DPYSL2: variants seen among roughly 807,000 people sequenced by gnomAD.
The protein encoded by DPYSL2 is dihydropyrimidinase like 2.
A neutral mutation model predicts 69.9 loss-of-function variants in DPYSL2; 13 were observed. The observed-to-expected ratio is 0.19, with a 90% confidence interval of 0.12 to 0.30. The LOEUF (loss-of-function observed/expected upper bound fraction) is 0.30, where lower values mean the gene tolerates loss of function less well. Among genes scored for constraint, DPYSL2 ranks in the 10% least tolerant of loss-of-function variants. The probability of loss-of-function intolerance (pLI) is 1.00; values close to 1 mark genes in which losing one functional copy is unlikely to be tolerated. For synonymous variants in DPYSL2, 326 were observed against 359.1 expected (o/e 0.91, Z 1.04); for missense variants, 587 against 918.9 (o/e 0.64, Z 4.67).
chr8:26,572,673 T>C (rs1391440559), intron 1 of DPYSL2, among the ~76,000 whole-genome samples: 1 of 152,140 alleles, frequency 6.6e-6, no homozygotes, highest in Non-Finnish European at 1.5e-5. Context: ...CTAGTTTTTG[T>C]ATTTTTAGTA....
chr8:26,627,065 C>T lies in DPYSL2; in HGVS notation c.856-150C>T. 1.5e-6 allele frequency: 1 copy of T among 682,236 alleles called. No individual in the cohort carries two copies. Among genetic ancestry groups the T allele is most frequent in the East Asian group, 2.7e-5 (1 of 36,836 alleles). 42.3% of individuals were successfully genotyped at this position (682,236 alleles called of 1,614,324 possible). ...CCATCAAATGTGGCCAGTAACATTG[C>T]CCTCATCATATCAAAAAAAGTCAGG... On this transcript the variant is annotated intron_variant, in intron 5 of 13. Transcript: ENST00000521913. This position sits in a 1 kb window ranked among gnomAD's most constrained non-coding sequence, Gnocchi z 6.9.
At chr8:26,649,115 T>C (rs1803231310) in intron 11 of DPYSL2, among the ~76,000 whole-genome samples, 1 of 152,196 alleles carries the variant, frequency 6.6e-6, no homozygotes, top group Non-Finnish European at 1.5e-5. Context: ...ACCTTCTCAA[T>C]AAAGGGACTG....
chr8:26,577,744 G>A, intron 1 of DPYSL2: 2 of 945,088 alleles, frequency 2.1e-6, no homozygotes, highest in Non-Finnish European at 2.5e-6. Flanking sequence ...GCGGGCGCTC[G>A]CGCCGCCTGC....
chr8:26,646,508 T>A (rs1803168336), intron 10 of DPYSL2, among the ~76,000 whole-genome samples: 1 of 152,236 alleles, frequency 6.6e-6, no homozygotes, highest in Non-Finnish European at 1.5e-5. Flanking sequence ...CAATTACTGA[T>A]TAGAGTGAAA....
intron 3 of DPYSL2, among the ~76,000 whole-genome samples, chr8:26,622,260 T>C (rs577324617): frequency 2.1e-4 from 32 of 151,874 alleles, no homozygotes; most frequent in African/African-American, 7.5e-4. Context: ...TTGTCAACTT[T>C]TCTACATCAG....
intron 1 of DPYSL2, among the ~76,000 whole-genome samples, chr8:26,518,305 A>C (rs1254168051): frequency 6.6e-6 from 1 of 152,142 alleles, no homozygotes; most frequent in African/African-American, 2.4e-5. Context: ...ATTCCAAAAA[A>C]CCTAAGACCC....
At chr8:26,600,932 C>T (rs1801976801) in intron 3 of DPYSL2, among the ~76,000 whole-genome samples, 2 of 152,314 alleles carry the variant, frequency 1.3e-5, no homozygotes, top group African/African-American at 4.8e-5. Flanking sequence ...ATAGGTGGTT[C>T]CATGCTGGGG....
At chr8:26,649,560 C>G (rs1231022664) in intron 11 of DPYSL2, among the ~76,000 whole-genome samples, 1 of 152,166 alleles carries the variant, frequency 6.6e-6, no homozygotes, top group Non-Finnish European at 1.5e-5. Context: ...CTTTTCCATC[C>G]CCACCTGTTT....
chr8:26,526,643 T>C (rs1808482634), intron 1 of DPYSL2, among the ~76,000 whole-genome samples: 1 of 152,228 alleles, frequency 6.6e-6, no homozygotes, highest in Non-Finnish European at 1.5e-5. Flanking sequence ...TCTTTTGTCA[T>C]TGTTTGAAAG....
At chr8:26,623,500 G>A (rs1802544372) in intron 3 of DPYSL2, among the ~76,000 whole-genome samples, 1 of 152,178 alleles carries the variant, frequency 6.6e-6, no homozygotes, top group African/African-American at 2.4e-5. Flanking sequence ...GGTGAATGAT[G>A]GAGCCAGGAA....
chr8:26,566,255 G>T (rs1156767938), intron 1 of DPYSL2, among the ~76,000 whole-genome samples: 1 of 152,190 alleles, frequency 6.6e-6, no homozygotes, highest in African/African-American at 2.4e-5. Context: ...CTTAGAGGAG[G>T]ACCCGGGGTA....
At chr8:26,527,604 T>G (rs79671455) in intron 1 of DPYSL2, among the ~76,000 whole-genome samples, 2,372 of 152,262 alleles carry the variant, frequency 0.016, 56 homozygotes, top group African/African-American at 0.052. Flanking sequence ...ACACGCACAT[T>G]TCAAAAATGA....
At chr8:26,539,576 G>A (rs1350292829) in intron 1 of DPYSL2, among the ~76,000 whole-genome samples, 1 of 152,146 alleles carries the variant, frequency 6.6e-6, no homozygotes, top group Non-Finnish European at 1.5e-5. Flanking sequence ...GTCTCACTCT[G>A]TTGCCTAGGC....
chr8:26,631,413 A>G (rs573321959), intron 7 of DPYSL2, among the ~76,000 whole-genome samples: 1 of 152,176 alleles, frequency 6.6e-6, no homozygotes, highest in Non-Finnish European at 1.5e-5. Context: ...CTCACTCATT[A>G]TCACAAGATC....
chr8:26,599,440 G>A (rs1417375758), intron 3 of DPYSL2, among the ~76,000 whole-genome samples: 3 of 151,998 alleles, frequency 2.0e-5, no homozygotes, highest in Non-Finnish European at 4.4e-5. Flanking sequence ...TTGTCTTTAA[G>A]GTAATTTGCA....
At chr8:26,552,168 T>A (rs1331473332) in intron 1 of DPYSL2, among the ~76,000 whole-genome samples, 4 of 152,108 alleles carry the variant, frequency 2.6e-5, no homozygotes, top group Admixed American at 6.5e-5. Context: ...TCAAAAGAAA[T>A]TTTAAAAATA....
rs549717016 is a variant in DPYSL2, at chr8:26,653,590, G to A, written c.1942+193G>A. Among the ~76,000 whole-genome samples the A allele has an allele frequency of 5.9e-5, 9 of 152,172 alleles. No individual in the cohort carries two copies. In the East Asian group the frequency reaches 1.2e-3, roughly 20 times the overall value. ...TTTCTTTTTTTTGAGGCAGGGTCTC[G>A]CTCTGTTACCCAGACTGGAGTGCAA... On this transcript the variant is annotated intron_variant, in intron 13 of 13. Transcript: ENST00000521913. This position sits in a 1 kb window ranked among gnomAD's most constrained non-coding sequence, Gnocchi z 5.7.
chr8:26,572,576 T>G (rs769813538), intron 1 of DPYSL2, among the ~76,000 whole-genome samples: 2 of 152,168 alleles, frequency 1.3e-5, no homozygotes, highest in Non-Finnish European at 2.9e-5. Context: ...CTCGGCTCAC[T>G]GCAACCTCCG....
chr8:26,655,747 A>T lies in DPYSL2; in HGVS notation c.*41A>T, dbSNP rs1415861706. On this transcript the variant is annotated 3_prime_UTR_variant, in exon 14 of 14. Coordinates refer to ENST00000521913, the MANE Select transcript of DPYSL2 (RefSeq NM_001197293.3). ...CCGTCCACTGGGGACTGGGGATGGG[A>T]CACCTGAGGACATTCTGAGACTTCT... 1 of 1,433,962 alleles carries T rather than the reference A, an allele frequency of 7.0e-7. No individual in the cohort carries two copies. The highest frequency in any genetic ancestry group is 2.2e-5 in the Admixed American group (1 of 45,972). The allele number at this position is 1,433,962 out of a possible 1,614,324, so 88.8% of individuals were successfully genotyped here.
Sources: allele counts gnomAD v4.1 joint callset (sites outside exome capture counted in the v4.1 genomes callset), GRCh38; gene constraint gnomAD v4.1.1; non-coding constraint Gnocchi (gnomAD v3.1); transcripts MANE v1.5; gene names NCBI Gene and HGNC (gene_info 2026-07-23, HGNC 2026-07-21).